Variants in CD300LF observed in about 807,000 individuals in gnomAD.
CD300LF encodes the protein CMRF35-like molecule 1.
CD300LF carries 27 observed loss-of-function variants against 32.2 expected under a neutral mutation model. That is an observed-to-expected ratio of 0.84 (90% CI 0.62 to 1.15). The LOEUF is 1.15. Ranked by LOEUF, CD300LF falls within the 50% of genes most tolerant of loss-of-function variation. CD300LF has a pLI of 0.00. For synonymous variants in CD300LF, 139 were observed against 143.2 expected (o/e 0.97, Z 0.21); for missense variants, 348 against 356.8 (o/e 0.98, Z 0.20).
chr17:74,695,932 C>T (rs908660214), intron 5 of CD300LF, 73 bp from the exon 6 acceptor site: 13 of 1,532,564 alleles, frequency 8.5e-6, no homozygotes, highest in Admixed American at 7.5e-5. Context: ...CACGGTGGGA[C>T]GGGACGAGAG....
chr17:74,695,145 C>A lies in CD300LF; in HGVS notation c.824G>T (p.Gly275Val), dbSNP rs1395266749. Residue 275 changes from glycine to valine, a missense_variant, in exon 7 of 7, where the codon GGC (glycine) becomes GTC (valine). Physicochemically the swap from Gly to Val is moderately radical, Grantham distance 109. Coordinates refer to ENST00000326165, the MANE Select transcript of CD300LF (RefSeq NM_139018.5). ...NMGHLSSHLP[G>V]RGPEEPTEYS... ...TTCCGTGGGCTCCTCAGGGCCCCTG[C>A]CGGGGAGGTGGCTACTGAGGTGGCC... 1.9e-6 allele frequency: 3 copies of A among 1,614,148 alleles called. No homozygotes were observed. Among genetic ancestry groups the A allele is most frequent in the South Asian group, 2.2e-5 (2 of 91,080 alleles).
At chr17:74,703,454 G>A (rs2033241640) in intron 2 of CD300LF, among the ~76,000 whole-genome samples, 1 of 152,070 alleles carries the variant, frequency 6.6e-6, no homozygotes, top group African/African-American at 2.4e-5. Context: ...CAGTGCCTTG[G>A]TCAATCTCCA....
intron 2 of CD300LF, 169 bp downstream of exon 2, chr17:74,704,309 T>C: frequency 1.7e-6 from 1 of 604,098 alleles, no homozygotes; most frequent in Non-Finnish European, 2.9e-6. Context: ...CATGGGGGCA[T>C]TGAAGAGAGG....
Position 74,695,118 on chromosome 17 carries a change from T to A in CD300LF, c.851A>T (p.Tyr284Phe). ...PGRGPEEPTE[Y>F]STISRP Reference sequence around the variant, plus strand: ...AGGCTAAGGCCTGCTGATGGTGCTGTATTCCGTGGGCTCCTCAGGGCCCCT... The same window carrying A: ...AGGCTAAGGCCTGCTGATGGTGCTGAATTCCGTGGGCTCCTCAGGGCCCCT... The change falls in exon 7 of 7, where the codon TAC (tyrosine) becomes TTC (phenylalanine). Residue 284 changes from tyrosine to phenylalanine, a missense_variant. Physicochemically the swap from Tyr to Phe is conservative, Grantham distance 22. Transcript: ENST00000326165. 1 of 1,614,052 alleles carries A rather than the reference T, an allele frequency of 6.2e-7. No homozygotes were observed. The highest frequency in any genetic ancestry group is 8.5e-7 in the Non-Finnish European group (1 of 1,179,968).
chr17:74,698,476 T>C lies in CD300LF; in HGVS notation c.452A>G (p.Lys151Arg), dbSNP rs2032726575. Residue 151 changes from lysine (K) to arginine (R), a missense_variant, in exon 4 of 7, where the codon AAG becomes AGG. Transcript: ENST00000326165. The stretch of plus-strand genomic sequence containing the variant: ...CAGGAGGACACTGAGCTTCAGGAGC[T>C]TGTGCCTAGAAACAATGGCAAGCGT... ...LTGHHLDNRH[K>R]LLKLSVLLPL... 1 of 1,613,400 alleles carries C rather than the reference T, an allele frequency of 6.2e-7. No homozygotes were observed. The highest frequency in any genetic ancestry group is 8.5e-7 in the Non-Finnish European group (1 of 1,179,692).
intron 1 of CD300LF, among the ~76,000 whole-genome samples, chr17:74,710,018 G>A (rs1048903992): frequency 3.3e-5 from 5 of 152,132 alleles, no homozygotes; most frequent in African/African-American, 7.2e-5. Flanking sequence ...AGGCTCTGTC[G>A]CCCAGGCTGG....
intron 1 of CD300LF, among the ~76,000 whole-genome samples, chr17:74,706,727 G>A (rs1310611519): frequency 1.3e-5 from 2 of 152,170 alleles, no homozygotes; most frequent in African/African-American, 4.8e-5. Context: ...CAACGGCGCG[G>A]ACAGAGGGCC....
At position 74,698,436 on chromosome 17, in the gene CD300LF, G is replaced by A. The variant is rs867433005; in HGVS notation, c.492C>T (p.Thr164=). The A allele has an allele frequency of 1.2e-6, 2 of 1,613,980 alleles. No homozygotes were observed. Among genetic ancestry groups the A allele is most frequent in the Non-Finnish European group, 8.5e-7 (1 of 1,179,996 alleles). Residue 164 remains threonine (T), a synonymous_variant, in exon 4 of 7, where the codon ACC becomes ACT. Coordinates refer to ENST00000326165, the MANE Select transcript of CD300LF (RefSeq NM_139018.5). ...KLSVLLPLIF[T]ILLLLLVAAS... is the part of the protein sequence containing the mutation. The stretch of plus-strand genomic sequence containing the variant: ...CGGCCACCAAAAGCAGCAGCAATAT[G>A]GTGAAGATGAGGGGCAGGAGGACAC...
chr17:74,704,844 A>G (rs1026408273), intron 1 of CD300LF, 28 bp from the exon 2 acceptor site: 1 of 1,565,324 alleles, frequency 6.4e-7, no homozygotes. Flanking sequence ...ATGTGCTGTC[A>G]CCTCCCACCC....
intron 4 of CD300LF, among the ~76,000 whole-genome samples, chr17:74,696,903 T>G (rs536895702): frequency 1.6e-4 from 24 of 146,824 alleles, no homozygotes; most frequent in African/African-American, 3.8e-4. Context: ...GGACCGATTT[T>G]GTTTGGTTTG....
intron 1 of CD300LF, among the ~76,000 whole-genome samples, chr17:74,708,742 CTG>C (rs1567798365): frequency 1.3e-5 from 2 of 152,074 alleles, no homozygotes; most frequent in African/African-American, 4.8e-5. Context: ...CGGTGAAACC[CTG>C]TCTCTACTAA....
At chr17:74,706,343 CTT>C (rs765052724) in intron 1 of CD300LF, among the ~76,000 whole-genome samples, 18 of 134,930 alleles carry the variant, frequency 1.3e-4, no homozygotes, top group Admixed American at 2.3e-4. Flanking sequence ...TGTGCCTGGC[CTT>C]TTTTTTTTTT....
rs1353375722 is a variant in CD300LF, at chr17:74,696,180, TG to T, written c.582+14del. 1 of 1,600,300 alleles carries T rather than the reference TG, an allele frequency of 6.2e-7. No homozygotes were observed. Among genetic ancestry groups the T allele is most frequent in the African/African-American group, 1.4e-5 (1 of 73,826 alleles). The stretch of plus-strand genomic sequence containing the variant: ...CTGCCTGGTCTCTCTGGTCCGACCT[TG>T]GGGGCTATCTTACCTGCTCTGGGGA... On this transcript the variant is annotated intron_variant, in intron 5 of 6. Coordinates refer to ENST00000326165, the MANE Select transcript of CD300LF (RefSeq NM_139018.5).
At position 74,700,746 on chromosome 17, in the gene CD300LF, C is replaced by T. The variant is rs1327808701; in HGVS notation, c.447-2265G>A. ...CAGCATGGGTGACAGAGCAACACTC[C>T]GTCTCAAAACAAACAAACAACAAAA... On this transcript the variant is annotated intron_variant, in intron 3 of 6. Coordinates refer to ENST00000326165, the MANE Select transcript of CD300LF (RefSeq NM_139018.5). Among the ~76,000 whole-genome samples, 8 of 152,170 alleles carry T rather than the reference C, an allele frequency of 5.3e-5. No individual in the cohort carries two copies. The South Asian group carries it at 6.2e-4, about 12-fold the overall frequency.
rs2143973462 is a variant in CD300LF, at chr17:74,712,819, C to T, written c.43+5G>A. ...CCCCAAGAAGACAGACCCAGGCCCG[C>T]TCACCTGAGAGCCAGAAGAGGAGCA... On this transcript the variant is annotated splice_donor_5th_base_variant and intron_variant, in intron 1 of 6. Coordinates refer to ENST00000326165, the MANE Select transcript of CD300LF (RefSeq NM_139018.5). 6.2e-7 allele frequency: 1 copy of T among 1,614,028 alleles called. No homozygotes were observed. Among genetic ancestry groups the T allele is most frequent in the Non-Finnish European group, 8.5e-7 (1 of 1,179,948 alleles).
intron 1 of CD300LF, among the ~76,000 whole-genome samples, chr17:74,706,618 A>T (rs939921594): frequency 6.6e-6 from 1 of 152,152 alleles, no homozygotes; most frequent in Non-Finnish European, 1.5e-5. Context: ...CAATGAGCCA[A>T]GATGGCGCCA....
intron 1 of CD300LF, among the ~76,000 whole-genome samples, chr17:74,706,035 CT>C (rs1413199441): frequency 2.6e-5 from 4 of 152,016 alleles, no homozygotes; most frequent in African/African-American, 4.8e-5. Flanking sequence ...TAAGTGGGAG[CT>C]AAACATTGGT....
chr17:74,709,365 G>A (rs753326941), intron 1 of CD300LF, among the ~76,000 whole-genome samples: 3 of 152,150 alleles, frequency 2.0e-5, no homozygotes, highest in South Asian at 2.1e-4. Flanking sequence ...AAAACTCTTA[G>A]CAAACTAAGA....
chr17:74,696,503 A>T (rs1407301255), intron 4 of CD300LF, among the ~76,000 whole-genome samples: 1 of 152,176 alleles, frequency 6.6e-6, no homozygotes, highest in African/African-American at 2.4e-5. Context: ...CCTGCCAGCC[A>T]TCGGCTCCCC....
Sources: allele counts gnomAD v4.1 joint callset (sites outside exome capture counted in the v4.1 genomes callset), GRCh38; gene constraint gnomAD v4.1.1; transcripts MANE v1.5; gene names NCBI Gene and HGNC (gene_info 2026-07-23, HGNC 2026-07-21).